Variants in METTL4 observed in about 807,000 individuals in gnomAD.
METTL4 encodes N(6)-adenine-specific methyltransferase METTL4.
METTL4 carries 40 observed loss-of-function variants against 54.0 expected under a neutral mutation model. The ratio of observed to expected loss-of-function variants is 0.74; its 90% confidence interval spans 0.58 to 0.96. METTL4 has a LOEUF of 0.96. Ranked by LOEUF, METTL4 falls within the 50% of genes least tolerant of loss-of-function variation. The pLI, the probability that METTL4 is intolerant of heterozygous loss-of-function variation, is 0.00. For missense variants in METTL4, 525 were observed against 549.0 expected (o/e 0.96, Z 0.44); for synonymous variants, 169 against 183.8 (o/e 0.92, Z 0.65).
Position 2,555,009 on chromosome 18 carries a change from T to C in METTL4, c.489A>G (p.Leu163=). 1.9e-6 allele frequency: 3 copies of C among 1,613,554 alleles called. No individual in the cohort carries two copies. The highest frequency in any genetic ancestry group is 2.5e-6 in the Non-Finnish European group (3 of 1,179,732). ...KIRELILDGS[L]QLIQEGLKSG... is the part of the protein sequence containing the mutation. ...TTTTGAGACCTTCCTGGATCAACTG[T>C]AAAGATCCATCCAAAATCAGCTCCC... The change falls in exon 4 of 9, where the codon TTA becomes TTG. Residue 163 remains leucine, a synonymous_variant. Transcript: ENST00000574538.
intron 3 of METTL4, among the ~76,000 whole-genome samples, chr18:2,559,796 C>A (rs2072290077): frequency 6.6e-6 from 1 of 152,100 alleles, no homozygotes; most frequent in Non-Finnish European, 1.5e-5. Context: ...AATGGAGTGG[C>A]ATGATCTCGG....
At chr18:2,549,977 A>G (rs2072130250) in intron 5 of METTL4, among the ~76,000 whole-genome samples, 1 of 151,800 alleles carries the variant, frequency 6.6e-6, no homozygotes, top group South Asian at 2.1e-4. Context: ...CTGGGCGACA[A>G]CAGCGAAACT....
intron 2 of METTL4, among the ~76,000 whole-genome samples, chr18:2,566,069 AT>A (rs2072412245): frequency 2.7e-5 from 4 of 148,894 alleles, no homozygotes; most frequent in Non-Finnish European, 6.0e-5. Flanking sequence ...AAATAAATAA[AT>A]AAATAAATAA....
chr18:2,539,787 AT>A, intron 8 of METTL4: 1 of 950,104 alleles, frequency 1.1e-6, no homozygotes, highest in Non-Finnish European at 1.3e-6. Context: ...CAGCCAATTT[AT>A]TTTTAATAAA....
intron 1 of METTL4, among the ~76,000 whole-genome samples, chr18:2,570,864 G>A (rs988738549): frequency 2.6e-5 from 4 of 152,184 alleles, no homozygotes; most frequent in African/African-American, 9.7e-5. Context: ...GGCAGTGCCT[G>A]TTTCTGGATT....
At chr18:2,563,770 T>C in intron 3 of METTL4, 27 bp downstream of exon 3, 3 of 1,522,716 alleles carry the variant, frequency 2.0e-6, no homozygotes, top group Non-Finnish European at 1.8e-6. Flanking sequence ...AATCTTCCAA[T>C]GTGATCAATG....
intron 1 of METTL4, chr18:2,569,161 T>C (rs1227317595): frequency 6.5e-6 from 1 of 153,044 alleles, no homozygotes; most frequent in Non-Finnish European, 1.5e-5. Context: ...CCCACACCCA[T>C]TCAATTTAAG....
At chr18:2,542,352 C>A (rs1450842869) in intron 8 of METTL4, among the ~76,000 whole-genome samples, 3 of 126,798 alleles carry the variant, frequency 2.4e-5, no homozygotes, top group Admixed American at 8.6e-5. Context: ...GCTATCCCTC[C>A]CCCCTCCCCC....
chr18:2,563,651 TA>T (rs2072357113), intron 3 of METTL4, 145 bp downstream of exon 3: 1 of 357,352 alleles, frequency 2.8e-6, no homozygotes, highest in South Asian at 3.7e-5. Flanking sequence ...TGCATTACTA[TA>T]AAATTAACAA....
intron 6 of METTL4, among the ~76,000 whole-genome samples, chr18:2,545,054 T>C (rs951384580): frequency 7.9e-5 from 12 of 152,154 alleles, no homozygotes; most frequent in Non-Finnish European, 2.9e-5. Context: ...CTTTCTTTTG[T>C]ACTATGCCTG....
rs149114584 is a variant in METTL4 at position 2,538,651 on chromosome 18, T to C, written c.*349A>G. ...TTTAGAATAATGGTTCTAAGTGTTT[T>C]TTACAACACTGTATGGGTCACACAA... On this transcript the variant is annotated 3_prime_UTR_variant, in exon 9 of 9. Transcript: ENST00000574538. 128 of 180,050 alleles carry C rather than the reference T, an allele frequency of 7.1e-4. No homozygotes were observed. The highest frequency in any genetic ancestry group is 2.7e-3 in the African/African-American group (116 of 42,726). The allele number at this position is 180,050 out of a possible 1,614,324, so 11.2% of individuals were successfully genotyped here.
intron 8 of METTL4, among the ~76,000 whole-genome samples, chr18:2,542,902 C>A (rs922427904): frequency 6.6e-6 from 1 of 151,706 alleles, no homozygotes; most frequent in African/African-American, 2.4e-5. Context: ...CCGAGGCGGG[C>A]GGATCACTTG....
intron 3 of METTL4, among the ~76,000 whole-genome samples, chr18:2,557,246 T>G (rs539779828): frequency 2.6e-4 from 40 of 152,138 alleles, no homozygotes; most frequent in African/African-American, 9.4e-4. Context: ...AATTTACCTA[T>G]GTACTGATCA....
At chr18:2,559,335 T>C (rs1261216739) in intron 3 of METTL4, among the ~76,000 whole-genome samples, 1 of 152,002 alleles carries the variant, frequency 6.6e-6, no homozygotes, top group Non-Finnish European at 1.5e-5. Context: ...GAAGACATAG[T>C]GAAATAAGCC....
intron 6 of METTL4, 87 bp downstream of exon 6, chr18:2,547,268 T>C (rs2143495626): frequency 9.4e-7 from 1 of 1,063,836 alleles, no homozygotes; most frequent in East Asian, 2.6e-5. Flanking sequence ...AGTACAGCAG[T>C]GACATGTTGA....
intron 8 of METTL4, among the ~76,000 whole-genome samples, chr18:2,541,666 T>C (rs1019799208): frequency 1.3e-5 from 2 of 152,114 alleles, no homozygotes; most frequent in Non-Finnish European, 2.9e-5. Flanking sequence ...TCAAAACTTA[T>C]GCAAATGTAT....
At chr18:2,565,980 G>A (rs2072405623) in intron 2 of METTL4, among the ~76,000 whole-genome samples, 1 of 151,010 alleles carries the variant, frequency 6.6e-6, no homozygotes, top group Non-Finnish European at 1.5e-5. Context: ...CCGGGAGGCG[G>A]AGCTTGCAGT....
In METTL4 at chr18:2,547,543, G is replaced by A. The variant is rs1360862612; in HGVS notation, c.900-14C>T. The stretch of plus-strand genomic sequence containing the variant: ...AAATAACTGTACCTAAAAATAAACG[G>A]AAAAAAGGATGAGCAAAATTCACTG... On this transcript the variant is annotated splice_polypyrimidine_tract_variant and intron_variant, in intron 5 of 8. Coordinates refer to ENST00000574538, the MANE Select transcript of METTL4 (RefSeq NM_022840.5). 2.6e-6 allele frequency: 4 copies of A among 1,545,440 alleles called. No homozygotes were observed. Among genetic ancestry groups the A allele is most frequent in the Admixed American group, 4.2e-5 (2 of 48,012 alleles).
chr18:2,566,051 AAATAAAT>A (rs1567982921), intron 2 of METTL4, among the ~76,000 whole-genome samples: 846 of 5,232 alleles, frequency 0.16, 34 homozygotes, highest in Middle Eastern at 0.25. Flanking sequence ...TGTCTCAAAT[AAATAAAT>A]AAATAAATAA....
Sources: allele counts gnomAD v4.1 joint callset (sites outside exome capture counted in the v4.1 genomes callset), GRCh38; gene constraint gnomAD v4.1.1; transcripts MANE v1.5; gene names NCBI Gene and HGNC (gene_info 2026-07-23, HGNC 2026-07-21).